The following OPCML variants were observed in gnomAD, a reference collection of about 807,000 sequenced individuals.
The protein encoded by OPCML is opioid-binding protein/cell adhesion molecule.
Under a neutral mutation model 37.8 loss-of-function variants are expected in OPCML, and 13 were observed. The ratio of observed to expected loss-of-function variants is 0.34; its 90% CI spans 0.22 to 0.55. The LOEUF is 0.55. Among genes scored for constraint, OPCML ranks in the 20% least tolerant of loss-of-function variants. OPCML has a pLI of 0.91. For missense variants in OPCML, 341 were observed against 435.6 expected (o/e 0.78, Z 1.93); for synonymous variants, 176 against 168.8 (o/e 1.04, Z -0.33).
At chr11:132,441,410 C>T (rs1032978684) in intron 4 of OPCML, among the ~76,000 whole-genome samples, 3 of 151,832 alleles carry the variant, frequency 2.0e-5, no homozygotes, top group Non-Finnish European at 2.9e-5. Context: ...CCTCGTGATC[C>T]GCCCGCCTCG....
chr11:133,277,663 C>A (rs906279233), intron 1 of OPCML, among the ~76,000 whole-genome samples: 1 of 151,886 alleles, frequency 6.6e-6, no homozygotes, highest in Non-Finnish European at 1.5e-5. Flanking sequence ...CCTTTCAGAT[C>A]CAGTACATGT....
At chr11:132,841,827 C>T (rs1941298679) in intron 2 of OPCML, among the ~76,000 whole-genome samples, 1 of 127,844 alleles carries the variant, frequency 7.8e-6, no homozygotes. Context: ...TACCATTGCA[C>T]TCCAGCCTGG....
At chr11:133,241,113 A>G (rs1386041559) in intron 1 of OPCML, among the ~76,000 whole-genome samples, 3 of 152,126 alleles carry the variant, frequency 2.0e-5, no homozygotes, top group Non-Finnish European at 2.9e-5. Flanking sequence ...GTCTGACGTC[A>G]TTTACTAGGG....
intron 1 of OPCML, among the ~76,000 whole-genome samples, chr11:133,239,214 C>A (rs539789419): frequency 1.3e-5 from 2 of 152,240 alleles, no homozygotes; most frequent in Non-Finnish European, 2.9e-5. Flanking sequence ...AGGCACACAC[C>A]AAGTACTCGG....
At chr11:133,280,370 A>C in intron 1 of OPCML, among the ~76,000 whole-genome samples, 1 of 152,204 alleles carries the variant, frequency 6.6e-6, no homozygotes, top group East Asian at 1.9e-4. Flanking sequence ...AACCACTCAG[A>C]ATTATTCTTC....
chr11:133,091,189 T>C (rs1948900333), intron 1 of OPCML, among the ~76,000 whole-genome samples: 1 of 152,190 alleles, frequency 6.6e-6, no homozygotes. Context: ...TTTGGTGGTG[T>C]CCACATTGTG....
intron 3 of OPCML, among the ~76,000 whole-genome samples, chr11:132,543,774 CCACT>C (rs1266865977): frequency 6.6e-6 from 1 of 151,954 alleles, no homozygotes; most frequent in African/African-American, 2.4e-5. Flanking sequence ...GTTTTTTCCC[CCACT>C]CACTATCATG....
At chr11:133,494,751 T>C (rs1766697708) in intron 1 of OPCML, among the ~76,000 whole-genome samples, 1 of 134,278 alleles carries the variant, frequency 7.4e-6, no homozygotes, top group Non-Finnish European at 1.5e-5. Context: ...GGGATAGCAT[T>C]GGGAGATATA....
intron 2 of OPCML, among the ~76,000 whole-genome samples, chr11:132,704,671 T>C (rs1334789180): frequency 6.6e-6 from 1 of 152,210 alleles, no homozygotes; most frequent in Non-Finnish European, 1.5e-5. Context: ...CAAAGTGAAA[T>C]GTAGAATAAG....
At chr11:132,758,285 G>A (rs566356809) in intron 2 of OPCML, among the ~76,000 whole-genome samples, 6 of 152,218 alleles carry the variant, frequency 3.9e-5, no homozygotes, top group South Asian at 4.2e-4. Flanking sequence ...TTGGCTGTAC[G>A]GCCTCTTCTT....
At chr11:133,073,714 C>T (rs191127493) in intron 1 of OPCML, among the ~76,000 whole-genome samples, 1 of 152,202 alleles carries the variant, frequency 6.6e-6, no homozygotes, top group South Asian at 2.1e-4. Flanking sequence ...GAAATATCTG[C>T]TGGTCTTGAC....
chr11:132,586,336 TTTTC>T (rs1208370427), intron 3 of OPCML, among the ~76,000 whole-genome samples: 1 of 152,158 alleles, frequency 6.6e-6, no homozygotes, highest in Non-Finnish European at 1.5e-5. Flanking sequence ...CCTCTGAAAT[TTTTC>T]TTTCTCCTAC....
chr11:132,425,581 A>G (rs2095975373), intron 7 of OPCML, among the ~76,000 whole-genome samples: 1 of 152,272 alleles, frequency 6.6e-6, no homozygotes, highest in Non-Finnish European at 1.5e-5. Flanking sequence ...GTAAAGGATG[A>G]TGAAATATTA....
At chr11:132,479,370 T>C (rs777028817) in intron 4 of OPCML, among the ~76,000 whole-genome samples, 3 of 152,070 alleles carry the variant, frequency 2.0e-5, no homozygotes, top group African/African-American at 7.2e-5. Context: ...GCTCGGAGGG[T>C]CCTATGCCCA....
chr11:132,535,708 C>T (rs1003004415), intron 3 of OPCML, among the ~76,000 whole-genome samples: 6 of 152,156 alleles, frequency 3.9e-5, no homozygotes, highest in Admixed American at 2.0e-4. Flanking sequence ...CAGCACTGGC[C>T]TTGGGGTCAC....
chr11:132,683,475 C>G (rs1045562221), intron 2 of OPCML, among the ~76,000 whole-genome samples: 1 of 152,180 alleles, frequency 6.6e-6, no homozygotes, highest in South Asian at 2.1e-4. Flanking sequence ...TTTAGAGTCA[C>G]AAAACCTAAT....
intron 1 of OPCML, among the ~76,000 whole-genome samples, chr11:133,088,024 A>C (rs1473793766): frequency 6.6e-6 from 1 of 152,240 alleles, no homozygotes; most frequent in Non-Finnish European, 1.5e-5. Context: ...AGTGTGTAAT[A>C]AGAAGGTAAG....
chr11:132,698,894 G>GA lies in OPCML; in HGVS notation c.147-41576dup, dbSNP rs200252590. Among the ~76,000 whole-genome samples the GA allele has an allele frequency of 6.2e-3, 946 of 151,480 alleles. 11 individuals are homozygous for GA. Among genetic ancestry groups the GA allele is most frequent in the African/African-American group, 0.022 (899 of 41,312 alleles). On this transcript the variant is annotated intron_variant, in intron 2 of 7. Coordinates refer to ENST00000524381, the MANE Select transcript of OPCML (RefSeq NM_001012393.5). ...TTAGAATTGTTCTTTATATTTCTCT[G>GA]AAAAAAAATGCCATTGATATTTTGA...
At chr11:133,312,107 A>G (rs140840714) in intron 1 of OPCML, among the ~76,000 whole-genome samples, 2 of 152,360 alleles carry the variant, frequency 1.3e-5, no homozygotes, top group Admixed American at 1.3e-4. Flanking sequence ...AATAGATATT[A>G]AAGATGACAG....
Sources: allele counts gnomAD v4.1 joint callset (sites outside exome capture counted in the v4.1 genomes callset), GRCh38; gene constraint gnomAD v4.1.1; transcripts MANE v1.5; gene names NCBI Gene and HGNC (gene_info 2026-07-23, HGNC 2026-07-21).